TRIP4: variants seen among roughly 807,000 people sequenced by gnomAD.
The protein encoded by TRIP4 is thyroid hormone receptor interactor 4.
In TRIP4, 54 loss-of-function variants were observed where a neutral mutation model predicts 81.8. That is an observed-to-expected ratio of 0.66 (90% CI 0.53 to 0.83). TRIP4 has a LOEUF of 0.83. Ranked by LOEUF, TRIP4 falls within the 40% of genes least tolerant of loss-of-function variation. The pLI, the probability that TRIP4 is intolerant of heterozygous loss-of-function variation, is 0.00. For missense variants in TRIP4, 662 were observed against 683.6 expected (o/e 0.97, Z 0.35); for synonymous variants, 270 against 242.8 (o/e 1.11, Z -1.04).
chr15:64,388,058 G>C, intron 1 of TRIP4, 94 bp downstream of exon 1: 1 of 1,440,516 alleles, frequency 6.9e-7, no homozygotes, highest in Non-Finnish European at 9.2e-7. Flanking sequence ...AGTTAAGAGA[G>C]AAATGTGATA....
At chr15:64,413,167 A>T (rs1596345295) in intron 7 of TRIP4, among the ~76,000 whole-genome samples, 1 of 151,750 alleles carries the variant, frequency 6.6e-6, no homozygotes, top group East Asian at 1.9e-4. Context: ...GCCATAGAAT[A>T]CTCTTCTGTG....
chr15:64,413,286 T>A (rs1891811018), intron 7 of TRIP4, among the ~76,000 whole-genome samples: 1 of 151,974 alleles, frequency 6.6e-6, no homozygotes, highest in Non-Finnish European at 1.5e-5. Context: ...GCTCAAGTGA[T>A]CCTCCCATCT....
chr15:64,409,818 T>C lies in TRIP4; in HGVS notation c.1033T>C (p.Tyr345His), dbSNP rs776937263. The C allele has an allele frequency of 6.2e-7, 1 of 1,613,954 alleles. No individual in the cohort carries two copies. The highest frequency in any genetic ancestry group is 1.3e-5 in the African/African-American group (1 of 75,010). The change falls in exon 7 of 13, where the codon TAT becomes CAT. Residue 345 changes from tyrosine to histidine, a missense_variant. Physicochemically the swap from Tyr to His is moderately conservative, Grantham distance 83. Coordinates refer to ENST00000261884, the MANE Select transcript of TRIP4 (RefSeq NM_016213.5). ...ILEEENSLAE[Y>H]HSRLDETIQA... ...GGAAGAAGAAAATTCACTAGCAGAG[T>C]ATCATAGCAGGTAAGTGAGCAGCAC...
chr15:64,439,172 C>CT (rs1467171414), intron 11 of TRIP4, among the ~76,000 whole-genome samples: 1 of 152,126 alleles, frequency 6.6e-6, no homozygotes, highest in East Asian at 1.9e-4. Context: ...AGAGTGGGGC[C>CT]TGGGGTGGTA....
Position 64,448,949 on chromosome 15 carries a change from T to TG in TRIP4, c.1678+3841_1678+3842insG, listed in dbSNP as rs200946044. Among the ~76,000 whole-genome samples, 434 of 152,260 alleles carry TG rather than the reference T, an allele frequency of 2.9e-3. 6 individuals are homozygous for TG. In the East Asian group the frequency reaches 0.039, roughly 14 times the overall value. On this transcript the variant is annotated intron_variant, in intron 12 of 12. Coordinates refer to ENST00000261884, the MANE Select transcript of TRIP4 (RefSeq NM_016213.5). ...ACTTGGTCAGGCACAGTGGCTCATG[T>TG]CTATAATCCCAGCACTTTAGGAATC...
chr15:64,452,920 C>G (rs1363010039), intron 12 of TRIP4, among the ~76,000 whole-genome samples: 1 of 152,072 alleles, frequency 6.6e-6, no homozygotes, highest in East Asian at 1.9e-4. Context: ...GTGGCTCACG[C>G]CTGTAATCCC....
Position 64,406,426 on chromosome 15 carries a change from A to T in TRIP4, c.794A>T (p.His265Leu). ...TCTGGTCTGGAGAAGGCTATCAAGCATAAAGACAAACTGTTAGAGTTTGAC... is the reference window on the plus strand; with the variant it reads ...TCTGGTCTGGAGAAGGCTATCAAGCTTAAAGACAAACTGTTAGAGTTTGAC... ...IKSGLEKAIK[H>L]KDKLLEFDRT... Residue 265 changes from histidine to leucine, a missense_variant, in exon 6 of 13, where the codon CAT becomes CTT. Coordinates refer to ENST00000261884, the MANE Select transcript of TRIP4 (RefSeq NM_016213.5). 1 of 1,614,164 alleles carries T rather than the reference A, an allele frequency of 6.2e-7. No homozygotes were observed. Among genetic ancestry groups the T allele is most frequent in the Non-Finnish European group, 8.5e-7 (1 of 1,180,018 alleles).
chr15:64,438,222 A>G lies in TRIP4; in HGVS notation c.1576-6784A>G, dbSNP rs1031944475. Among the ~76,000 whole-genome samples the G allele has an allele frequency of 3.8e-4, 58 of 152,206 alleles. 1 individual carries two copies. Among genetic ancestry groups the G allele is most frequent in the Admixed American group, 2.7e-3 (41 of 15,268 alleles). ...AGCCATTGGGAAAATAAAATCTAAA[A>G]TTGGCACAGCCCTTAACTCAAGAGA... On this transcript the variant is annotated intron_variant, in intron 11 of 12. Coordinates refer to ENST00000261884, the MANE Select transcript of TRIP4 (RefSeq NM_016213.5).
In TRIP4 at chr15:64,414,207, C is replaced by T; in HGVS notation, c.1166C>T (p.Pro389Leu). ...AATCCCAACATGTACCAGTCCCCTC[C>T]CCAGGTTAGTGGACCTTTGCTCTAA... ...LVNPNMYQSPPQWVDHTGAAS... is the reference protein window; with the variant it reads ...LVNPNMYQSPLQWVDHTGAAS... The change falls in exon 8 of 13, where the codon CCC becomes CTC. Residue 389 changes from proline (P) to leucine (L), a missense_variant. Transcript: ENST00000261884. The T allele has an allele frequency of 6.2e-7, 1 of 1,613,936 alleles. No individual in the cohort carries two copies. Among genetic ancestry groups the T allele is most frequent in the Non-Finnish European group, 8.5e-7 (1 of 1,179,962 alleles).
At position 64,409,778 on chromosome 15, in the gene TRIP4, A is replaced by G. The variant is rs368458722; in HGVS notation, c.993A>G (p.Ala331=). 3 of 1,614,242 alleles carry G rather than the reference A, an allele frequency of 1.9e-6. No individual in the cohort carries two copies. The East Asian group carries it at 6.7e-5, about 36-fold the overall frequency. The change falls in exon 7 of 13, where the codon GCA becomes GCG. Residue 331 remains alanine, a synonymous_variant. Coordinates refer to ENST00000261884, the MANE Select transcript of TRIP4 (RefSeq NM_016213.5). ...CTAAGAAGGTCACCATTGACTTTGCAGGAAGGAAGATCCTGGAAGAAGAAA... is the reference window on the plus strand; with the variant it reads ...CTAAGAAGGTCACCATTGACTTTGCGGGAAGGAAGATCCTGGAAGAAGAAA... ...RLSKKVTIDF[A]GRKILEEENS...
At chr15:64,410,111 C>T (rs866024615) in intron 7 of TRIP4, among the ~76,000 whole-genome samples, 8 of 150,382 alleles carry the variant, frequency 5.3e-5, no homozygotes, top group Non-Finnish European at 8.9e-5. Context: ...CTGCAACCTC[C>T]GCCTCCCAGG....
chr15:64,438,383 G>A (rs1038759689), intron 11 of TRIP4, among the ~76,000 whole-genome samples: 31 of 152,220 alleles, frequency 2.0e-4, no homozygotes, highest in East Asian at 7.7e-4. Flanking sequence ...GCAATGGCAC[G>A]ATCTCAGCTC....
At chr15:64,433,248 A>G (rs986765504) in intron 11 of TRIP4, among the ~76,000 whole-genome samples, 2 of 152,152 alleles carry the variant, frequency 1.3e-5, no homozygotes, top group Non-Finnish European at 2.9e-5. Context: ...CTTTTTGATC[A>G]GTTATTATGT....
intron 1 of TRIP4, among the ~76,000 whole-genome samples, chr15:64,389,385 A>G (rs1288713253): frequency 6.6e-6 from 1 of 152,114 alleles, no homozygotes; most frequent in Non-Finnish European, 1.5e-5. Context: ...TATTCCCAGC[A>G]CTTTGGGAGG....
chr15:64,415,397 G>T (rs1891872683), intron 8 of TRIP4, among the ~76,000 whole-genome samples: 1 of 152,138 alleles, frequency 6.6e-6, no homozygotes, highest in African/African-American at 2.4e-5. Flanking sequence ...CACAAATTAG[G>T]TGACCTAAAC....
chr15:64,415,394 T>C (rs1470249005), intron 8 of TRIP4, among the ~76,000 whole-genome samples: 1 of 152,132 alleles, frequency 6.6e-6, no homozygotes, highest in African/African-American at 2.4e-5. Context: ...TACCACAAAT[T>C]AGGTGACCTA....
chr15:64,422,290 T>C (rs1194381559), intron 9 of TRIP4, among the ~76,000 whole-genome samples: 1 of 152,224 alleles, frequency 6.6e-6, no homozygotes, highest in Non-Finnish European at 1.5e-5. Context: ...GAACTAGACT[T>C]CTGGTTTTCA....
At chr15:64,433,669 A>G (rs1380413693) in intron 11 of TRIP4, among the ~76,000 whole-genome samples, 1 of 152,194 alleles carries the variant, frequency 6.6e-6, no homozygotes, top group Admixed American at 6.5e-5. Context: ...TTGCTGTTCA[A>G]GTGTTTCTAC....
intron 6 of TRIP4, among the ~76,000 whole-genome samples, chr15:64,408,772 T>C (rs1018118749): frequency 3.3e-5 from 5 of 152,202 alleles, no homozygotes; most frequent in African/African-American, 7.2e-5. Context: ...CCATCAAGAT[T>C]CCTTCCAGGT....
Sources: allele counts gnomAD v4.1 joint callset (sites outside exome capture counted in the v4.1 genomes callset), GRCh38; gene constraint gnomAD v4.1.1; transcripts MANE v1.5; gene names NCBI Gene and HGNC (gene_info 2026-07-23, HGNC 2026-07-21).